The following LPP variants were observed in gnomAD, a reference collection of about 807,000 sequenced individuals.
The protein encoded by LPP is LIM domain containing preferred translocation partner in lipoma.
A neutral mutation model predicts 60.4 loss-of-function variants in LPP; 38 were observed. That is an observed-to-expected ratio of 0.63 (90% CI 0.49 to 0.83). The LOEUF is 0.83. Among genes scored for constraint, LPP ranks in the 40% least tolerant of loss-of-function variants. The pLI is 0.00. For synonymous variants in LPP, 328 were observed against 290.8 expected (o/e 1.13, Z -1.30); for missense variants, 902 against 783.6 (o/e 1.15, Z -1.80).
At chr3:188,856,624 G>T (rs990797631) in intron 9 of LPP, among the ~76,000 whole-genome samples, 1 of 152,148 alleles carries the variant, frequency 6.6e-6, no homozygotes, top group Non-Finnish European at 1.5e-5. Flanking sequence ...AGAATACTTA[G>T]TATCCCATTC....
chr3:188,613,310 C>G (rs547003308), intron 7 of LPP, among the ~76,000 whole-genome samples: 1 of 144,978 alleles, frequency 6.9e-6, no homozygotes, highest in African/African-American at 2.7e-5. Flanking sequence ...ATATCTATAT[C>G]TATATATATC....
chr3:188,873,993 G>A (rs546635996), intron 11 of LPP, among the ~76,000 whole-genome samples: 32 of 152,022 alleles, frequency 2.1e-4, no homozygotes, highest in Non-Finnish European at 3.8e-4. Context: ...AAAATGCATC[G>A]GTGGTTAGGG....
At chr3:188,250,565 GCATTTACT>G (rs1728758356) in intron 2 of LPP, among the ~76,000 whole-genome samples, 1 of 152,068 alleles carries the variant, frequency 6.6e-6, no homozygotes, top group Admixed American at 6.5e-5. Context: ...TCCTAAACCA[GCATTTACT>G]ATGATTGGTG....
At chr3:188,669,797 T>G (rs1446981291) in intron 7 of LPP, among the ~76,000 whole-genome samples, 2 of 152,166 alleles carry the variant, frequency 1.3e-5, no homozygotes, top group Admixed American at 6.5e-5. Flanking sequence ...TAAAGACACA[T>G]GCAGACGTAT....
At chr3:188,721,145 T>C (rs1229120214) in intron 8 of LPP, among the ~76,000 whole-genome samples, 2 of 152,226 alleles carry the variant, frequency 1.3e-5, no homozygotes, top group Non-Finnish European at 2.9e-5. Context: ...ATTAACTTTT[T>C]ATCCGACTTT....
chr3:188,524,885 TTCCTTCCG>T lies in LPP; in HGVS notation c.429+102_429+109del, dbSNP rs1308075469. ...CACCTGAGAGCTTATTTCCCCTTCC[TTCCTTCCG>T]TCCGTCCTTCCTTCCTTCCTTCCTT... On this transcript the variant is annotated intron_variant, in intron 6 of 11. Transcript: ENST00000617246. 60 of 327,350 alleles carry T rather than the reference TTCCTTCCG, an allele frequency of 1.8e-4. 1 individual carries two copies. In the African/African-American group the frequency reaches 1.9e-3, roughly 10 times the overall value. The allele number at this position is 327,350 out of a possible 1,614,324, so 20.3% of individuals were successfully genotyped here.
chr3:188,572,392 A>C lies in LPP; in HGVS notation c.430-36769A>C, dbSNP rs1833728595. On this transcript the variant is annotated intron_variant, in intron 6 of 11. Transcript: ENST00000617246. This position sits in a 1 kb window ranked among gnomAD's most constrained non-coding sequence, Gnocchi z 4.1. ...CATCTTTGATTTGATGGGGTAGTGT[A>C]GTAAGAACTCAATAAATGTTAGACT... Among the ~76,000 whole-genome samples the C allele has an allele frequency of 6.6e-6, 1 of 152,130 alleles. No individual in the cohort carries two copies. Among genetic ancestry groups the C allele is most frequent in the Non-Finnish European group, 1.5e-5 (1 of 68,020 alleles).
chr3:188,688,732 A>T, intron 7 of LPP: 4 of 471,006 alleles, frequency 8.5e-6, no homozygotes, highest in South Asian at 4.7e-5. Context: ...TGCCTTTTGC[A>T]TGGTAGACAA....
chr3:188,176,164 T>A (rs1462029880), intron 1 of LPP, among the ~76,000 whole-genome samples: 1 of 151,804 alleles, frequency 6.6e-6, no homozygotes, highest in Non-Finnish European at 1.5e-5. Context: ...TCCTGGAGAG[T>A]TTACTGGGCC....
chr3:188,380,941 G>A (rs1776716755), intron 3 of LPP, among the ~76,000 whole-genome samples: 1 of 152,206 alleles, frequency 6.6e-6, no homozygotes, highest in African/African-American at 2.4e-5. Context: ...CTTGCCCAAG[G>A]TCACAGAGCT....
At chr3:188,349,554 CA>C (rs1222492987) in intron 3 of LPP, among the ~76,000 whole-genome samples, 1 of 152,230 alleles carries the variant, frequency 6.6e-6, no homozygotes, top group Non-Finnish European at 1.5e-5. Flanking sequence ...GCTGTCTCAT[CA>C]ATCTTTCTGC....
intron 5 of LPP, among the ~76,000 whole-genome samples, chr3:188,513,552 A>G (rs1477099341): frequency 6.6e-6 from 1 of 151,980 alleles, no homozygotes; most frequent in Non-Finnish European, 1.5e-5. Flanking sequence ...AATAGATAAT[A>G]TATGTATTGT....
At chr3:188,311,521 A>G (rs1753420809) in intron 2 of LPP, among the ~76,000 whole-genome samples, 1 of 152,032 alleles carries the variant, frequency 6.6e-6, no homozygotes, top group African/African-American at 2.4e-5. Context: ...ACTAAACTAA[A>G]CTAAACTAAA....
intron 4 of LPP, among the ~76,000 whole-genome samples, chr3:188,432,793 G>T (rs1001228167): frequency 6.6e-6 from 1 of 152,136 alleles, no homozygotes; most frequent in Admixed American, 6.6e-5. Context: ...ACCTTTAAAA[G>T]GAGCTTGTAA....
chr3:188,317,088 T>G (rs946424730), intron 2 of LPP, among the ~76,000 whole-genome samples: 1 of 152,198 alleles, frequency 6.6e-6, no homozygotes, highest in African/African-American at 2.4e-5. Context: ...GCCAATGGTG[T>G]TTCTGCTACA....
intron 9 of LPP, among the ~76,000 whole-genome samples, chr3:188,791,355 A>T (rs1232539234): frequency 6.6e-6 from 1 of 151,768 alleles, no homozygotes; most frequent in African/African-American, 2.4e-5. Flanking sequence ...CCTATTTAAA[A>T]CTCTTCAATG....
intron 9 of LPP, among the ~76,000 whole-genome samples, chr3:188,783,394 G>A (rs577133266): frequency 1.3e-5 from 2 of 152,202 alleles, no homozygotes; most frequent in African/African-American, 2.4e-5. Flanking sequence ...ATGAGATCAT[G>A]TATTTTGCAG....
intron 4 of LPP, among the ~76,000 whole-genome samples, chr3:188,463,672 C>T (rs949021911): frequency 2.0e-5 from 3 of 152,146 alleles, no homozygotes; most frequent in Non-Finnish European, 4.4e-5. Context: ...TCTTCTCTGG[C>T]AGAGACCATA....
intron 8 of LPP, among the ~76,000 whole-genome samples, chr3:188,722,767 G>C (rs1716955675): frequency 6.6e-6 from 1 of 152,126 alleles, no homozygotes; most frequent in Non-Finnish European, 1.5e-5. Flanking sequence ...TGTGCATATT[G>C]TGGGAATCAA....
Sources: allele counts gnomAD v4.1 joint callset (sites outside exome capture counted in the v4.1 genomes callset), GRCh38; gene constraint gnomAD v4.1.1; non-coding constraint Gnocchi (gnomAD v3.1); transcripts MANE v1.5; gene names NCBI Gene and HGNC (gene_info 2026-07-23, HGNC 2026-07-21).